RSU1: variants seen among roughly 807,000 people sequenced by gnomAD.
RSU1 encodes rsu-1.
RSU1 carries 26 observed loss-of-function variants against 31.1 expected under a neutral mutation model. The ratio of observed to expected loss-of-function variants is 0.84; its 90% CI spans 0.61 to 1.16. The LOEUF is 1.16. Ranked by LOEUF, RSU1 falls within the 50% of genes most tolerant of loss-of-function variation. RSU1 has a pLI of 0.00. For synonymous variants in RSU1, 164 were observed against 136.3 expected (o/e 1.20, Z -1.41); for missense variants, 320 against 339.1 (o/e 0.94, Z 0.44).
At chr10:16,624,280 G>A (rs1311184232) in intron 8 of RSU1, among the ~76,000 whole-genome samples, 1 of 152,088 alleles carries the variant, frequency 6.6e-6, no homozygotes, top group Non-Finnish European at 1.5e-5. Context: ...CCGACTGAGA[G>A]CTGAAGGGCT....
rs558705481 is a variant in RSU1 at position 16,648,434 on chromosome 10, T to C, written c.731+46589A>G. On this transcript the variant is annotated intron_variant, in intron 8 of 8. Coordinates refer to ENST00000345264, the MANE Select transcript of RSU1 (RefSeq NM_012425.4). Reference sequence around the variant, plus strand: ...GTGCTGACTCTGGGCAGAGAGCTTATTGCTTTTCTCCTTCACATTGCCTAC... The same window carrying C: ...GTGCTGACTCTGGGCAGAGAGCTTACTGCTTTTCTCCTTCACATTGCCTAC... Among the ~76,000 whole-genome samples the C allele has an allele frequency of 3.3e-5, 5 of 152,320 alleles. No individual in the cohort carries two copies. The East Asian group carries it at 5.8e-4, about 18-fold the overall frequency.
chr10:16,772,980 G>A (rs1220655775), intron 3 of RSU1, among the ~76,000 whole-genome samples: 1 of 152,134 alleles, frequency 6.6e-6, no homozygotes, highest in African/African-American at 2.4e-5. Flanking sequence ...GCCGAGGTGG[G>A]TGGATTGCTG....
intron 2 of RSU1, among the ~76,000 whole-genome samples, chr10:16,815,976 G>A (rs1838520463): frequency 6.6e-6 from 1 of 152,226 alleles, no homozygotes; most frequent in African/African-American, 2.4e-5. Context: ...GTAAGGTTGT[G>A]TTCAGATTCA....
chr10:16,702,934 C>T lies in RSU1; in HGVS notation c.599-7779G>A, dbSNP rs967806344. On this transcript the variant is annotated intron_variant, in intron 7 of 8. Transcript: ENST00000345264. ...TGCAAACCTCAATGTCGGAGGGAGG[C>T]CTGGTGTGAGGTGGCAGGATCATAA... Among the ~76,000 whole-genome samples the T allele has an allele frequency of 3.9e-5, 6 of 152,186 alleles. No homozygotes were observed. In the East Asian group the frequency reaches 5.8e-4, roughly 15 times the overall value.
chr10:16,632,704 C>T (rs546211546), intron 8 of RSU1, among the ~76,000 whole-genome samples: 2 of 152,120 alleles, frequency 1.3e-5, no homozygotes, highest in South Asian at 2.1e-4. Flanking sequence ...TTTGAGAGGC[C>T]GAGATGGGCA....
At chr10:16,653,605 A>C (rs1834723606) in intron 8 of RSU1, among the ~76,000 whole-genome samples, 1 of 152,136 alleles carries the variant, frequency 6.6e-6, no homozygotes, top group Non-Finnish European at 1.5e-5. Context: ...CTTGTGCCTA[A>C]AAATACATAT....
At chr10:16,651,445 G>C (rs188104551) in intron 8 of RSU1, among the ~76,000 whole-genome samples, 1 of 152,288 alleles carries the variant, frequency 6.6e-6, no homozygotes, top group East Asian at 1.9e-4. Context: ...TAAATTCTCA[G>C]TGTCACCACT....
intron 2 of RSU1, among the ~76,000 whole-genome samples, chr10:16,799,602 T>C (rs914359386): frequency 6.6e-6 from 1 of 151,152 alleles, no homozygotes; most frequent in East Asian, 1.9e-4. Flanking sequence ...CTAAGAGCCC[T>C]ACCAGGTTCT....
chr10:16,728,532 A>G (rs1279619765), intron 7 of RSU1, among the ~76,000 whole-genome samples: 1 of 152,184 alleles, frequency 6.6e-6, no homozygotes, highest in Admixed American at 6.5e-5. Flanking sequence ...TCACAAACGC[A>G]ACGGAACTAT....
At chr10:16,682,535 T>TAC (rs68128821) in intron 8 of RSU1, among the ~76,000 whole-genome samples, 3,061 of 26,498 alleles carry the variant, frequency 0.12, 62 homozygotes, top group South Asian at 0.22. Flanking sequence ...AAATCATTCA[T>TAC]ACACACACAC....
chr10:16,622,320 T>C (rs1834084083), intron 8 of RSU1, among the ~76,000 whole-genome samples: 2 of 152,226 alleles, frequency 1.3e-5, no homozygotes, highest in South Asian at 2.1e-4. Context: ...AGATCCACCA[T>C]TTCCAAGGTT....
At chr10:16,752,493 G>C in intron 7 of RSU1, 46 bp downstream of exon 7, 1 of 1,393,572 alleles carries the variant, frequency 7.2e-7, no homozygotes, top group Non-Finnish European at 1.0e-6. Flanking sequence ...TAGGATAATT[G>C]TTATTCATGA....
intron 4 of RSU1, among the ~76,000 whole-genome samples, chr10:16,756,166 G>A (rs1486001210): frequency 6.6e-6 from 1 of 152,130 alleles, no homozygotes; most frequent in East Asian, 1.9e-4. Context: ...TTAGAATGGT[G>A]ATGGCCAGGG....
chr10:16,691,790 A>T (rs1835559291), intron 8 of RSU1, among the ~76,000 whole-genome samples: 3 of 134,140 alleles, frequency 2.2e-5, no homozygotes, highest in Non-Finnish European at 4.6e-5. Context: ...GCTGGAGTGC[A>T]GTGGCGCCAT....
chr10:16,604,890 G>A (rs1055582617), intron 8 of RSU1, among the ~76,000 whole-genome samples: 30 of 152,238 alleles, frequency 2.0e-4, no homozygotes, highest in East Asian at 5.8e-4. Flanking sequence ...CTCAAACCGC[G>A]TGGGAAGAAA....
intron 7 of RSU1, among the ~76,000 whole-genome samples, chr10:16,728,443 G>A (rs1043498750): frequency 6.6e-6 from 1 of 152,168 alleles, no homozygotes; most frequent in Admixed American, 6.5e-5. Flanking sequence ...CAGGAAGTGA[G>A]GCAGAACCCT....
At chr10:16,627,619 T>A (rs950507649) in intron 8 of RSU1, among the ~76,000 whole-genome samples, 1 of 151,864 alleles carries the variant, frequency 6.6e-6, no homozygotes, top group African/African-American at 2.4e-5. Flanking sequence ...CAGGCATGGA[T>A]GGTGGTGCAT....
intron 2 of RSU1, among the ~76,000 whole-genome samples, chr10:16,801,789 C>G (rs1838160970): frequency 6.6e-6 from 1 of 151,772 alleles, no homozygotes; most frequent in Non-Finnish European, 1.5e-5. Context: ...AATAACATGT[C>G]AAAGAAATGT....
At chr10:16,759,756 T>TAAGGAATTGAGAACAG (rs1837170477) in intron 4 of RSU1, among the ~76,000 whole-genome samples, 1 of 152,204 alleles carries the variant, frequency 6.6e-6, no homozygotes, top group African/African-American at 2.4e-5. Flanking sequence ...AAACCGCATT[T>TAAGGAATTGAGAACAG]AAGGAATTGA....
Sources: allele counts gnomAD v4.1 joint callset (sites outside exome capture counted in the v4.1 genomes callset), GRCh38; gene constraint gnomAD v4.1.1; transcripts MANE v1.5; gene names NCBI Gene and HGNC (gene_info 2026-07-23, HGNC 2026-07-21).